Variants in PLCB1 observed in about 807,000 individuals in gnomAD.
PLCB1 encodes the protein phospholipase C beta 1.
In PLCB1, 46 loss-of-function variants were observed where a neutral mutation model predicts 161.8. The ratio of observed to expected loss-of-function variants is 0.28; its 90% CI spans 0.22 to 0.36. The LOEUF is 0.36. Among genes scored for constraint, PLCB1 ranks in the 10% least tolerant of loss-of-function variants. PLCB1 has a pLI of 1.00. For synonymous variants in PLCB1, 517 were observed against 503.7 expected (o/e 1.03, Z -0.35); for missense variants, 1,016 against 1,472.5 (o/e 0.69, Z 5.07).
At chr20:8,787,560 A>C (rs1349895315) in intron 27 of PLCB1, among the ~76,000 whole-genome samples, 2 of 152,226 alleles carry the variant, frequency 1.3e-5, no homozygotes, top group African/African-American at 4.8e-5. Flanking sequence ...TGGGTGCTCC[A>C]GTAAGAAGGG....
rs1233385163 is a variant in PLCB1 at position 8,342,275 on chromosome 20, A to G, written c.178-29107A>G. Among the ~76,000 whole-genome samples the G allele has an allele frequency of 5.3e-5, 8 of 152,244 alleles. No individual in the cohort carries two copies. In the East Asian group the frequency reaches 1.5e-3, roughly 29 times the overall value. ...CTTGTGTAAGTCTTAGAGTAAGACT[A>G]TAAATTTCTAAAACTTGAAGTTTGT... is the stretch of plus-strand genomic sequence containing the variant. On this transcript the variant is annotated intron_variant, in intron 2 of 31. Transcript: ENST00000338037.
intron 23 of PLCB1, among the ~76,000 whole-genome samples, chr20:8,749,322 T>C (rs1311904248): frequency 6.6e-6 from 1 of 152,088 alleles, no homozygotes; most frequent in Non-Finnish European, 1.5e-5. Context: ...AGAGTGTGGC[T>C]CTCCCCAGAT....
At chr20:8,722,504 T>C in intron 15 of PLCB1, 83 bp downstream of exon 15, 1 of 910,620 alleles carries the variant, frequency 1.1e-6, no homozygotes, top group Non-Finnish European at 1.6e-6. Flanking sequence ...CTTTCTGCCA[T>C]CTAGTGGCAA....
intron 4 of PLCB1, among the ~76,000 whole-genome samples, chr20:8,640,005 A>G (rs1406280147): frequency 3.3e-5 from 5 of 152,236 alleles, no homozygotes; most frequent in South Asian, 2.1e-4. Flanking sequence ...TTCTTATAGC[A>G]GAGGAAGAAC....
chr20:8,610,696 C>T (rs184467966), intron 3 of PLCB1, among the ~76,000 whole-genome samples: 78 of 152,138 alleles, frequency 5.1e-4, no homozygotes, highest in Middle Eastern at 3.4e-3. Context: ...CTTTGTAGCA[C>T]GAAGTTTTTG....
intron 3 of PLCB1, among the ~76,000 whole-genome samples, chr20:8,619,626 A>G (rs1988124589): frequency 6.6e-6 from 1 of 152,140 alleles, no homozygotes; most frequent in African/African-American, 2.4e-5. Flanking sequence ...CATTGCTATT[A>G]TCATTGTTAA....
intron 3 of PLCB1, among the ~76,000 whole-genome samples, chr20:8,530,365 A>G (rs1164335516): frequency 6.6e-6 from 1 of 152,106 alleles, no homozygotes; most frequent in Non-Finnish European, 1.5e-5. Flanking sequence ...AGTCTTAACT[A>G]CATCTTACAA....
intron 2 of PLCB1, among the ~76,000 whole-genome samples, chr20:8,354,002 A>G (rs2719768): frequency 0.04 from 6,001 of 151,574 alleles, 149 homozygotes; most frequent in South Asian, 0.051. Context: ...AAATTATTCT[A>G]GAATAGAAGG....
rs534618359 is a variant in PLCB1 at position 8,586,849 on chromosome 20, A to G, written c.247-41445A>G. ...CTCACACATTTCAATTTCAAAACCC[A>G]GAACCATGGTATTAATTCTAAAATC... On this transcript the variant is annotated intron_variant, in intron 3 of 31. Coordinates refer to ENST00000338037, the MANE Select transcript of PLCB1 (RefSeq NM_015192.4). Among the ~76,000 whole-genome samples the G allele has an allele frequency of 3.9e-5, 6 of 152,288 alleles. 2 individuals are homozygous for G. The highest frequency in any genetic ancestry group is 1.4e-4 in the African/African-American group (6 of 41,556).
intron 31 of PLCB1, among the ~76,000 whole-genome samples, chr20:8,796,585 T>C (rs1203050206): frequency 6.6e-6 from 1 of 152,218 alleles, no homozygotes; most frequent in Non-Finnish European, 1.5e-5. Context: ...CAAGTCTCAA[T>C]TAACCACACA....
chr20:8,733,091 A>G (rs1656806929), intron 18 of PLCB1, 147 bp from the exon 19 acceptor site: 1 of 775,140 alleles, frequency 1.3e-6, no homozygotes, highest in South Asian at 1.9e-5. Flanking sequence ...TTTTTTTCTT[A>G]TCTGTGTTTC....
chr20:8,573,414 T>G (rs1031804273), intron 3 of PLCB1, among the ~76,000 whole-genome samples: 1 of 152,202 alleles, frequency 6.6e-6, no homozygotes, highest in African/African-American at 2.4e-5. Context: ...GGATGGGGTA[T>G]CAAGGGAATG....
intron 2 of PLCB1, among the ~76,000 whole-genome samples, chr20:8,341,208 A>ACCAC (rs2122224226): frequency 6.6e-6 from 1 of 152,166 alleles, no homozygotes; most frequent in South Asian, 2.1e-4. Context: ...AACAGGTACT[A>ACCAC]CTCATTCCAT....
chr20:8,609,734 C>T (rs1421554675), intron 3 of PLCB1, among the ~76,000 whole-genome samples: 1 of 152,044 alleles, frequency 6.6e-6, no homozygotes, highest in Non-Finnish European at 1.5e-5. Flanking sequence ...ATCTCAATCT[C>T]CTGGGCTCAA....
At chr20:8,367,394 G>A (rs759193994) in intron 2 of PLCB1, among the ~76,000 whole-genome samples, 5 of 152,232 alleles carry the variant, frequency 3.3e-5, no homozygotes, top group Non-Finnish European at 2.9e-5. Flanking sequence ...TCAGACTCAC[G>A]GAATCAGAAA....
intron 27 of PLCB1, among the ~76,000 whole-genome samples, chr20:8,781,309 G>C (rs946879353): frequency 6.6e-6 from 1 of 151,732 alleles, no homozygotes; most frequent in Non-Finnish European, 1.5e-5. Flanking sequence ...ATAAGCAAAA[G>C]ATGTTAGTAG....
At chr20:8,830,404 C>A (rs541427724) in intron 31 of PLCB1, among the ~76,000 whole-genome samples, 1 of 152,210 alleles carries the variant, frequency 6.6e-6, no homozygotes, top group African/African-American at 2.4e-5. Context: ...TTAGCAGAAT[C>A]TCTTTGCATG....
chr20:8,427,077 A>G (rs1979814871), intron 3 of PLCB1, among the ~76,000 whole-genome samples: 1 of 152,070 alleles, frequency 6.6e-6, no homozygotes, highest in African/African-American at 2.4e-5. Context: ...ACATCTGGGT[A>G]ATCTTGTATT....
intron 23 of PLCB1, among the ~76,000 whole-genome samples, chr20:8,754,027 C>G (rs1981613757): frequency 6.6e-6 from 1 of 152,208 alleles, no homozygotes; most frequent in South Asian, 2.1e-4. Context: ...GACCCCTGGA[C>G]TAAGCATTTC....
Sources: gnomAD v4.1 joint callset for allele counts (sites outside exome capture counted in the v4.1 genomes callset) on GRCh38, gnomAD v4.1.1 for gene constraint, MANE v1.5 for transcripts, NCBI Gene and HGNC (gene_info 2026-07-23, HGNC 2026-07-21) for gene names.